Variants in CBFA2T2 observed in about 807,000 individuals in gnomAD.
CBFA2T2 encodes CBFA2/RUNX1 partner transcriptional co-repressor 2.
CBFA2T2 carries 11 observed loss-of-function variants against 62.2 expected under a neutral mutation model. The observed-to-expected ratio is 0.18, with a 90% CI of 0.11 to 0.29. The LOEUF (loss-of-function observed/expected upper bound fraction) is 0.29. Among genes scored for constraint, CBFA2T2 ranks in the 10% least tolerant of loss-of-function variants. CBFA2T2 has a pLI of 1.00. For synonymous variants in CBFA2T2, 295 were observed against 287.5 expected (o/e 1.03, Z -0.27); for missense variants, 592 against 774.1 (o/e 0.76, Z 2.79).
chr20:33,492,677 ATTT>A (rs942058392), intron 1 of CBFA2T2, among the ~76,000 whole-genome samples: 2 of 151,366 alleles, frequency 1.3e-5, no homozygotes, highest in Non-Finnish European at 2.9e-5. Flanking sequence ...CACCCAGCTA[ATTT>A]TTTTATTTTT....
At chr20:33,520,435 T>C (rs1463920749) in intron 1 of CBFA2T2, among the ~76,000 whole-genome samples, 2 of 152,170 alleles carry the variant, frequency 1.3e-5, no homozygotes, top group Non-Finnish European at 2.9e-5. Context: ...CTGGGGCATC[T>C]CTAACTTCTA....
intron 1 of CBFA2T2, among the ~76,000 whole-genome samples, chr20:33,561,961 A>G (rs2013104834): frequency 6.6e-6 from 1 of 152,202 alleles, no homozygotes; most frequent in Non-Finnish European, 1.5e-5. Flanking sequence ...TTTTCATCCA[A>G]TTATATGTTC....
At chr20:33,621,949 A>G (rs2016008681) in intron 4 of CBFA2T2, among the ~76,000 whole-genome samples, 1 of 152,218 alleles carries the variant, frequency 6.6e-6, no homozygotes, top group Non-Finnish European at 1.5e-5. Context: ...GCTGGTAGAC[A>G]ATTATTTCCC....
chr20:33,582,136 A>G (rs1467234229), intron 1 of CBFA2T2, among the ~76,000 whole-genome samples: 1 of 152,148 alleles, frequency 6.6e-6, no homozygotes, highest in Admixed American at 6.5e-5. Flanking sequence ...ATCAGCTTCA[A>G]GTTTGTGTCC....
intron 1 of CBFA2T2, among the ~76,000 whole-genome samples, chr20:33,530,083 G>A (rs1333338755): frequency 6.6e-6 from 1 of 151,424 alleles, no homozygotes; most frequent in Non-Finnish European, 1.5e-5. Flanking sequence ...CACCTCGCCT[G>A]GCCTATTTTA....
intron 1 of CBFA2T2, among the ~76,000 whole-genome samples, chr20:33,523,979 C>T (rs1169025307): frequency 3.3e-5 from 5 of 152,056 alleles, no homozygotes; most frequent in Admixed American, 6.6e-5. Context: ...CCACCACGCC[C>T]GGCCAGTGTG....
rs568493236 is a variant in CBFA2T2, at chr20:33,628,705, G to C, written c.1032+270G>C. Among the ~76,000 whole-genome samples the C allele has an allele frequency of 8.5e-5, 13 of 152,300 alleles. No individual in the cohort carries two copies. In the East Asian group the frequency reaches 2.5e-3, roughly 29 times the overall value. On this transcript the variant is annotated intron_variant, in intron 7 of 10. Transcript: ENST00000342704. ...GCTGGTCTCAAACCCCTGACCTCAA[G>C]TGATCTCCCCACCTCAGCCTCTCAG... is the stretch of plus-strand genomic sequence containing the variant.
chr20:33,496,438 T>C (rs552063793), intron 1 of CBFA2T2, among the ~76,000 whole-genome samples: 1 of 152,380 alleles, frequency 6.6e-6, no homozygotes, highest in East Asian at 1.9e-4. Flanking sequence ...TATAAGCTTC[T>C]AAATTATAAA....
chr20:33,611,567 G>C (rs773007668), intron 3 of CBFA2T2, among the ~76,000 whole-genome samples: 4 of 152,026 alleles, frequency 2.6e-5, no homozygotes, highest in Admixed American at 6.6e-5. Context: ...CCAGCCTGGA[G>C]TATGATGGTG....
chr20:33,554,248 C>CTTTTTTTTTTTTTTTT (rs1300197608), intron 1 of CBFA2T2, among the ~76,000 whole-genome samples: 1 of 146,518 alleles, frequency 6.8e-6, no homozygotes, highest in Non-Finnish European at 1.5e-5. Context: ...ATTTTTCTTA[C>CTTTTTTTTTTTTTTTT]TTTTTTCTTT....
At chr20:33,491,253 G>T (rs2011144553) in intron 1 of CBFA2T2, among the ~76,000 whole-genome samples, 1 of 152,088 alleles carries the variant, frequency 6.6e-6, no homozygotes, top group Non-Finnish European at 1.5e-5. Flanking sequence ...CATATAGTAA[G>T]TTTAAAAATA....
rs1266804814 is a variant in CBFA2T2, at chr20:33,607,062, T to G, written c.141T>G (p.Pro47=). 6.2e-7 allele frequency: 1 copy of G among 1,613,962 alleles called. No homozygotes were observed. Among genetic ancestry groups the G allele is most frequent in the African/African-American group, 1.3e-5 (1 of 74,922 alleles). Residue 47 remains proline (P), a synonymous_variant, in exon 2 of 11, where the codon CCT becomes CCG. Transcript: ENST00000342704. ...TGCCACCCCTCCCACCAATAAATCC[T>G]GGAGGACCGAGGCCAGTGTCCTTCA... The part of the protein sequence containing the change: ...PTMPPLPPIN[P]GGPRPVSFTP...
intron 2 of CBFA2T2, among the ~76,000 whole-genome samples, chr20:33,610,142 T>G (rs1268131215): frequency 1.3e-5 from 2 of 152,036 alleles, no homozygotes; most frequent in Non-Finnish European, 2.9e-5. Flanking sequence ...AAAAAGAAAT[T>G]AGCTGTGCAT....
intron 1 of CBFA2T2, among the ~76,000 whole-genome samples, chr20:33,584,476 C>T (rs1375316809): frequency 6.7e-6 from 1 of 150,070 alleles, no homozygotes; most frequent in Non-Finnish European, 1.5e-5. Flanking sequence ...CCAGGATGGT[C>T]TCAATCTCCT....
chr20:33,539,864 T>A lies in CBFA2T2; in HGVS notation c.34+49563T>A, dbSNP rs184083136. Among the ~76,000 whole-genome samples, 68 of 151,838 alleles carry A rather than the reference T, an allele frequency of 4.5e-4. No homozygotes were observed. In the East Asian group the frequency reaches 7.6e-3, roughly 17 times the overall value. On this transcript the variant is annotated intron_variant, in intron 1 of 10. Coordinates refer to ENST00000342704, the MANE Select transcript of CBFA2T2 (RefSeq NM_001032999.3). ...ACCATGCCTGGATAATTTTTTTTTTTAATTTTTATTTATTGTAGAGATGCA... is the reference window on the plus strand; with the variant it reads ...ACCATGCCTGGATAATTTTTTTTTTAAATTTTTATTTATTGTAGAGATGCA...
chr20:33,529,606 C>A (rs1212765218), intron 1 of CBFA2T2, among the ~76,000 whole-genome samples: 1 of 151,168 alleles, frequency 6.6e-6, no homozygotes, highest in Non-Finnish European at 1.5e-5. Context: ...AAAACGTTAG[C>A]TGGGCATGGT....
intron 1 of CBFA2T2, among the ~76,000 whole-genome samples, chr20:33,504,271 T>G (rs2011360890): frequency 6.6e-6 from 1 of 152,132 alleles, no homozygotes; most frequent in African/African-American, 2.4e-5. Flanking sequence ...TTGAACTGTT[T>G]CCCATTTTGA....
chr20:33,570,925 G>A (rs1267918415), intron 1 of CBFA2T2, among the ~76,000 whole-genome samples: 1 of 152,172 alleles, frequency 6.6e-6, no homozygotes, highest in Non-Finnish European at 1.5e-5. Context: ...GTCTCCCCAA[G>A]TAGAGAAGCA....
chr20:33,634,133 T>A (rs2016546919), intron 8 of CBFA2T2, among the ~76,000 whole-genome samples: 1 of 152,152 alleles, frequency 6.6e-6, no homozygotes, highest in African/African-American at 2.4e-5. Flanking sequence ...CATGCACAGC[T>A]AATTTTTGTA....
Sources: allele counts gnomAD v4.1 joint callset (sites outside exome capture counted in the v4.1 genomes callset), GRCh38; gene constraint gnomAD v4.1.1; transcripts MANE v1.5; gene names NCBI Gene and HGNC (gene_info 2026-07-23, HGNC 2026-07-21).